The following RNF121 variants were observed in gnomAD, a reference collection of about 807,000 sequenced individuals.
RNF121 encodes the protein ring finger protein 121.
RNF121 carries 21 observed loss-of-function variants against 46.5 expected under a neutral mutation model. That is an observed-to-expected ratio of 0.45 (90% CI 0.32 to 0.65). The LOEUF (loss-of-function observed/expected upper bound fraction) is 0.65, where lower values mean the gene tolerates loss of function less well. Among genes scored for constraint, RNF121 ranks in the 30% least tolerant of loss-of-function variants. RNF121 has a pLI of 0.04. For synonymous variants in RNF121, 139 were observed against 144.7 expected, an observed-to-expected ratio of 0.96 and a Z score of 0.28; for missense variants, 346 against 416.0, an observed-to-expected ratio of 0.83 and a Z score of 1.46.
At chr11:71,959,029 CTT>C (rs1269438200) in intron 2 of RNF121, among the ~76,000 whole-genome samples, 1 of 152,146 alleles carries the variant, frequency 6.6e-6, no homozygotes, top group Non-Finnish European at 1.5e-5. Context: ...CACAACAACT[CTT>C]GAGTCAGGCA....
chr11:71,978,966 A>G (rs746098082), intron 3 of RNF121, among the ~76,000 whole-genome samples: 1 of 152,190 alleles, frequency 6.6e-6, no homozygotes, highest in African/African-American at 2.4e-5. Flanking sequence ...AATGATTCCT[A>G]TTTGGACTTC....
chr11:71,942,253 T>C (rs1054895206), intron 1 of RNF121, among the ~76,000 whole-genome samples: 3 of 151,950 alleles, frequency 2.0e-5, no homozygotes, highest in Non-Finnish European at 4.4e-5. Context: ...TTTGATTGGG[T>C]TTCAAAATGG....
chr11:71,947,586 A>T (rs1362758852), intron 1 of RNF121, among the ~76,000 whole-genome samples: 1 of 152,086 alleles, frequency 6.6e-6, no homozygotes, highest in Non-Finnish European at 1.5e-5. Flanking sequence ...GATGAAAGAG[A>T]TAGATAGTTC....
chr11:71,977,573 A>G (rs891998560), intron 3 of RNF121, among the ~76,000 whole-genome samples: 1 of 152,252 alleles, frequency 6.6e-6, no homozygotes, highest in Admixed American at 6.5e-5. Flanking sequence ...CTTGTCCCTC[A>G]GTAAATGTTT....
chr11:71,932,641 G>T (rs1422134590), intron 1 of RNF121, among the ~76,000 whole-genome samples: 2 of 152,220 alleles, frequency 1.3e-5, no homozygotes, highest in Non-Finnish European at 2.9e-5. Context: ...AGGTTCAGAG[G>T]ATTTGAGATA....
chr11:71,983,756 G>A (rs1340750814), intron 4 of RNF121: 2 of 152,292 alleles, frequency 1.3e-5, no homozygotes, highest in African/African-American at 4.8e-5. Context: ...GAAAGCTCCT[G>A]TTGCAGTGCA....
At chr11:71,957,463 T>C (rs1319753569) in intron 2 of RNF121, among the ~76,000 whole-genome samples, 199 bp downstream of exon 2, 2 of 152,220 alleles carry the variant, frequency 1.3e-5, no homozygotes, top group African/African-American at 4.8e-5. Flanking sequence ...TTGCACCAAA[T>C]CATCTATCTG....
chr11:71,991,684 G>C (rs1224199464), intron 6 of RNF121, among the ~76,000 whole-genome samples: 2 of 152,172 alleles, frequency 1.3e-5, no homozygotes, highest in African/African-American at 4.8e-5. Context: ...GCATTCATAA[G>C]AGTCCTGTCA....
intron 3 of RNF121, among the ~76,000 whole-genome samples, chr11:71,969,673 C>T (rs1464135812): frequency 6.6e-6 from 1 of 152,118 alleles, no homozygotes; most frequent in Non-Finnish European, 1.5e-5. Context: ...GTTGATCCTC[C>T]CACCTCAGCC....
At chr11:71,951,868 G>A (rs566033243) in intron 1 of RNF121, among the ~76,000 whole-genome samples, 1 of 152,156 alleles carries the variant, frequency 6.6e-6, no homozygotes, top group East Asian at 1.9e-4. Flanking sequence ...ACACACTGCT[G>A]GTGGGACTGT....
intron 3 of RNF121, among the ~76,000 whole-genome samples, chr11:71,967,030 C>T (rs1270709169): frequency 6.8e-6 from 1 of 148,068 alleles, no homozygotes; most frequent in Admixed American, 6.7e-5. Flanking sequence ...CGCCACCGCG[C>T]CCGGCTAATT....
chr11:71,986,123 T>A (rs1191354575), intron 4 of RNF121, among the ~76,000 whole-genome samples: 2 of 152,176 alleles, frequency 1.3e-5, no homozygotes, highest in Non-Finnish European at 2.9e-5. Context: ...AACTCAAAGG[T>A]ACTTCTTAAG....
At chr11:71,981,941 C>T (rs766059980) in intron 3 of RNF121, among the ~76,000 whole-genome samples, 1 of 152,060 alleles carries the variant, frequency 6.6e-6, no homozygotes, top group Non-Finnish European at 1.5e-5. Flanking sequence ...AAAGAAAATG[C>T]GTTTGGAGCA....
chr11:71,991,681 T>TA (rs530042033), intron 6 of RNF121, among the ~76,000 whole-genome samples: 3 of 152,194 alleles, frequency 2.0e-5, no homozygotes, highest in Admixed American at 2.0e-4. Context: ...AGAGCATTCA[T>TA]AAGAGTCCTG....
intron 3 of RNF121, among the ~76,000 whole-genome samples, chr11:71,967,862 C>T (rs1565153105): frequency 6.6e-6 from 1 of 152,152 alleles, no homozygotes; most frequent in East Asian, 1.9e-4. Flanking sequence ...TTATTCACAG[C>T]TTGAGCCATA....
intron 2 of RNF121, among the ~76,000 whole-genome samples, chr11:71,959,745 C>T (rs920460478): frequency 1.3e-5 from 2 of 151,572 alleles, no homozygotes; most frequent in African/African-American, 2.4e-5. Context: ...AAGTGATTCT[C>T]CTGCCTCAGC....
chr11:71,930,565 C>T (rs933976866), intron 1 of RNF121, among the ~76,000 whole-genome samples: 1 of 151,944 alleles, frequency 6.6e-6, no homozygotes, highest in African/African-American at 2.4e-5. Context: ...GTTTGGATAC[C>T]AGTTGGTTGG....
chr11:71,936,973 C>T (rs1366928359), intron 1 of RNF121, among the ~76,000 whole-genome samples: 1 of 152,152 alleles, frequency 6.6e-6, no homozygotes, highest in Non-Finnish European at 1.5e-5. Flanking sequence ...GGAATGTTGA[C>T]TAAATTGCAA....
At chr11:71,979,312 T>C (rs901037832) in intron 3 of RNF121, among the ~76,000 whole-genome samples, 3 of 152,302 alleles carry the variant, frequency 2.0e-5, no homozygotes, top group South Asian at 4.1e-4. Flanking sequence ...AGAATGGAAC[T>C]AGAACTCCGG....
Sources: gnomAD v4.1 joint callset for allele counts (sites outside exome capture counted in the v4.1 genomes callset) on GRCh38, gnomAD v4.1.1 for gene constraint, MANE v1.5 for transcripts, NCBI Gene and HGNC (gene_info 2026-07-23, HGNC 2026-07-21) for gene names.